Variants in RNLS observed in about 807,000 individuals in gnomAD.
The protein encoded by RNLS is renalase.
Under a neutral mutation model 39.8 loss-of-function variants are expected in RNLS, and 39 were observed. That is an observed-to-expected ratio of 0.98 (90% CI 0.76 to 1.28). RNLS has a LOEUF of 1.28. Ranked by LOEUF, RNLS falls within the 50% of genes most tolerant of loss-of-function variation. The pLI is 0.00. For synonymous variants in RNLS, 147 were observed against 150.7 expected (o/e 0.98, Z 0.18); for missense variants, 410 against 413.3 (o/e 0.99, Z 0.07).
intron 5 of RNLS, among the ~76,000 whole-genome samples, chr10:88,348,463 G>A (rs1447126868): frequency 1.3e-5 from 2 of 152,146 alleles, no homozygotes; most frequent in East Asian, 3.8e-4. Flanking sequence ...ATCATTTTCA[G>A]AGAGCAAGGC....
intron 3 of RNLS, among the ~76,000 whole-genome samples, chr10:88,578,792 T>C (rs892447931): frequency 3.9e-5 from 6 of 152,052 alleles, no homozygotes; most frequent in Admixed American, 3.9e-4. Context: ...CCCAAACACA[T>C]AACAAAATAA....
chr10:88,503,537 C>T (rs369319475), intron 4 of RNLS, among the ~76,000 whole-genome samples: 11 of 152,208 alleles, frequency 7.2e-5, no homozygotes, highest in African/African-American at 2.6e-4. Flanking sequence ...CTGGAACCAT[C>T]ATTAGAACTA....
chr10:88,235,454 C>T, the RNLS span, among the ~76,000 whole-genome samples: 1 of 152,040 alleles, frequency 6.6e-6, no homozygotes, highest in East Asian at 1.9e-4. Flanking sequence ...TGAAACAAAA[C>T]ACCAAGCTCA....
intron 4 of RNLS, among the ~76,000 whole-genome samples, chr10:88,492,326 T>C (rs1043894061): frequency 6.6e-6 from 1 of 152,134 alleles, no homozygotes; most frequent in South Asian, 2.1e-4. Flanking sequence ...TAAGTGGTAT[T>C]GGAGGCAGCT....
chr10:88,413,582 G>A (rs984559294), intron 4 of RNLS, among the ~76,000 whole-genome samples: 7 of 152,142 alleles, frequency 4.6e-5, no homozygotes, highest in East Asian at 3.9e-4. Context: ...CCAAATGCTC[G>A]CTGTTCTATT....
chr10:88,381,268 A>ATATT (rs1421456158), intron 4 of RNLS, among the ~76,000 whole-genome samples: 1 of 152,118 alleles, frequency 6.6e-6, no homozygotes, highest in Non-Finnish European at 1.5e-5. Context: ...TTAACATGGT[A>ATATT]TATTTCCCCA....
chr10:88,545,456 C>T (rs1204261013), intron 4 of RNLS: 1 of 456,274 alleles, frequency 2.2e-6, no homozygotes, highest in Non-Finnish European at 4.4e-6. Context: ...GCATGACTTA[C>T]GTGGTGGCAG....
chr10:88,358,296 TC>T (rs1273460747), intron 5 of RNLS, among the ~76,000 whole-genome samples: 1 of 152,162 alleles, frequency 6.6e-6, no homozygotes, highest in African/African-American at 2.4e-5. Context: ...AACCTCCCAC[TC>T]CAATTATCTG....
At chr10:88,247,527 C>T in the RNLS span, among the ~76,000 whole-genome samples, 9 of 152,182 alleles carry the variant, frequency 5.9e-5, no homozygotes, top group African/African-American at 1.4e-4. Flanking sequence ...GAGTCTCAGT[C>T]GCCTCGTCTG....
At chr10:88,342,397 C>T (rs1278176017) in intron 5 of RNLS, among the ~76,000 whole-genome samples, 1 of 152,194 alleles carries the variant, frequency 6.6e-6, no homozygotes, top group Non-Finnish European at 1.5e-5. Context: ...TCTCATATTT[C>T]AGATCTCAGA....
intron 6 of RNLS, among the ~76,000 whole-genome samples, chr10:88,294,806 A>G (rs1843952230): frequency 6.6e-6 from 1 of 152,184 alleles, no homozygotes; most frequent in Non-Finnish European, 1.5e-5. Context: ...CAAAAAAGCT[A>G]ATTCAAAGTC....
At chr10:88,290,124 C>A (rs750022427) in intron 6 of RNLS, among the ~76,000 whole-genome samples, 4 of 152,114 alleles carry the variant, frequency 2.6e-5, no homozygotes, top group Non-Finnish European at 4.4e-5. Context: ...AGTATTTTCA[C>A]AAAATGATAG....
intron 4 of RNLS, among the ~76,000 whole-genome samples, chr10:88,428,940 C>T (rs780726816): frequency 7.2e-5 from 11 of 151,868 alleles, no homozygotes; most frequent in Non-Finnish European, 1.5e-4. Flanking sequence ...TTCCTTTCAG[C>T]CACACTTGCA....
chr10:88,570,097 G>C (rs901061000), intron 4 of RNLS, among the ~76,000 whole-genome samples: 2 of 152,024 alleles, frequency 1.3e-5, no homozygotes, highest in Non-Finnish European at 2.9e-5. Context: ...AATTCTATGA[G>C]GCCTACATAC....
At chr10:88,470,485 A>G (rs1224679097) in intron 4 of RNLS, among the ~76,000 whole-genome samples, 2 of 152,234 alleles carry the variant, frequency 1.3e-5, no homozygotes, top group African/African-American at 4.8e-5. Context: ...TTGGGAGAAA[A>G]GAAGTTACCT....
chr10:88,346,123 C>T (rs1467677586), intron 5 of RNLS, among the ~76,000 whole-genome samples: 1 of 152,052 alleles, frequency 6.6e-6, no homozygotes, highest in East Asian at 1.9e-4. Flanking sequence ...TAAACTGTGG[C>T]AGAGAAATGG....
At chr10:88,535,227 G>A (rs1231822573) in intron 4 of RNLS, among the ~76,000 whole-genome samples, 1 of 152,076 alleles carries the variant, frequency 6.6e-6, no homozygotes, top group Non-Finnish European at 1.5e-5. Context: ...TCTAGGAGGA[G>A]ACAGGATTAA....
chr10:88,355,831 A>T (rs1019532686), intron 5 of RNLS, among the ~76,000 whole-genome samples: 2 of 152,208 alleles, frequency 1.3e-5, no homozygotes, highest in South Asian at 2.1e-4. Flanking sequence ...AGAGGCAGGC[A>T]GGCCTCCTTG....
At chr10:88,179,276 A>G in the RNLS span, among the ~76,000 whole-genome samples, 1 of 152,182 alleles carries the variant, frequency 6.6e-6, no homozygotes, top group Non-Finnish European at 1.5e-5. Flanking sequence ...AGGAAGTGAG[A>G]TAATGGACCA....
Sources: allele counts gnomAD v4.1 joint callset (sites outside exome capture counted in the v4.1 genomes callset), GRCh38; gene constraint gnomAD v4.1.1; transcripts MANE v1.5; gene names NCBI Gene and HGNC (gene_info 2026-07-23, HGNC 2026-07-21).